EDA: variants seen among roughly 807,000 people sequenced by gnomAD.
EDA encodes the protein ectodysplasin-A.
Under a neutral mutation model 23.6 loss-of-function variants are expected in EDA, and 2 were observed. The observed-to-expected ratio is 0.08, with a 90% CI of 0.03 to 0.27. The LOEUF (loss-of-function observed/expected upper bound fraction) is 0.27. EDA is among the 10% of genes least tolerant of loss of function. The pLI is 1.00. For synonymous variants in EDA, 131 were observed against 132.0 expected (o/e 0.99, Z 0.05); for missense variants, 229 against 324.2 (o/e 0.71, Z 2.26).
chrX:69,646,291 C>T (rs1274031258), intron 1 of EDA, among the ~76,000 whole-genome samples: 1 of 111,001 alleles, frequency 9.0e-6, no homozygotes, highest in Non-Finnish European at 1.9e-5. Flanking sequence ...GTTAAAGTTT[C>T]CCACTATTAT....
intron 1 of EDA, among the ~76,000 whole-genome samples, chrX:69,833,110 C>T (rs1281294175): frequency 9.0e-6 from 1 of 111,696 alleles, no homozygotes; most frequent in Non-Finnish European, 1.9e-5. Flanking sequence ...GCATCCCTGT[C>T]TTGTGCCAGT....
intron 2 of EDA, among the ~76,000 whole-genome samples, chrX:70,004,137 G>A (rs1823138143): frequency 8.9e-6 from 1 of 112,176 alleles, no homozygotes; most frequent in African/African-American, 3.2e-5. Context: ...AATGTCAGTA[G>A]TTGGTAGGAC....
intron 1 of EDA, among the ~76,000 whole-genome samples, chrX:69,928,213 A>G (rs2018549801): frequency 9.0e-6 from 1 of 111,330 alleles, no homozygotes; most frequent in Admixed American, 9.6e-5. Context: ...TTCAGATGTC[A>G]TCTCCCTAGC....
intron 1 of EDA, among the ~76,000 whole-genome samples, chrX:69,908,195 AAAT>A (rs1223268098): frequency 3.6e-5 from 4 of 111,743 alleles, no homozygotes; most frequent in Admixed American, 1.9e-4. Flanking sequence ...GTCATTAAGA[AAAT>A]AATATTTATG....
chrX:69,753,894 A>G (rs1013603009), intron 1 of EDA, among the ~76,000 whole-genome samples: 2 of 34,789 alleles, frequency 5.7e-5, no homozygotes, highest in African/African-American at 2.5e-4. Flanking sequence ...CTAGGATTGC[A>G]ATCCCTGCTT....
At chrX:69,637,825 T>A (rs1180746763) in intron 1 of EDA, among the ~76,000 whole-genome samples, 1 of 111,152 alleles carries the variant, frequency 9.0e-6, no homozygotes, top group Non-Finnish European at 1.9e-5. Flanking sequence ...TGCTTAGTAG[T>A]AGTAGTGTTC....
At chrX:69,703,899 AGTT>A (rs371551028) in intron 1 of EDA, among the ~76,000 whole-genome samples, 4 of 112,228 alleles carry the variant, frequency 3.6e-5, no homozygotes, top group African/African-American at 6.5e-5. Flanking sequence ...GTATTTTATT[AGTT>A]GTTGTTAATC....
At chrX:69,755,682 C>G (rs1231836977) in intron 1 of EDA, among the ~76,000 whole-genome samples, 1 of 112,764 alleles carries the variant, frequency 8.9e-6, no homozygotes, top group African/African-American at 3.2e-5. Context: ...CAGAGGCTGA[C>G]AGGCCTCCTT....
At chrX:69,733,507 T>G (rs1045722782) in intron 1 of EDA, among the ~76,000 whole-genome samples, 1 of 112,252 alleles carries the variant, frequency 8.9e-6, no homozygotes, top group Non-Finnish European at 1.9e-5. Context: ...TACTGTGGCC[T>G]TGTAGTATAG....
At chrX:69,944,012 AG>A (rs2018800228) in intron 1 of EDA, among the ~76,000 whole-genome samples, 2 of 109,773 alleles carry the variant, frequency 1.8e-5, no homozygotes, top group Admixed American at 1.9e-4. Flanking sequence ...TCAAGGCCCA[AG>A]GGTCTTTAGT....
intron 1 of EDA, among the ~76,000 whole-genome samples, chrX:69,710,057 T>A (rs779332030): frequency 2.3e-3 from 252 of 111,754 alleles, no homozygotes; most frequent in African/African-American, 7.3e-3. Context: ...TGTTTTATAC[T>A]TGAAGTCCTT....
intron 1 of EDA, among the ~76,000 whole-genome samples, chrX:69,909,882 CTT>C (rs1376142658): frequency 9.0e-6 from 1 of 111,673 alleles, no homozygotes; most frequent in East Asian, 2.8e-4. Context: ...GGATTTATCT[CTT>C]GTCTATAAAC....
chrX:69,997,067 T>G (rs2019667729), intron 2 of EDA, among the ~76,000 whole-genome samples: 1 of 111,746 alleles, frequency 8.9e-6, no homozygotes, highest in South Asian at 3.8e-4. Flanking sequence ...GAATGGGGTG[T>G]TGCTGAAAAG....
chrX:69,682,650 G>A (rs112036480), intron 1 of EDA, among the ~76,000 whole-genome samples: 1,984 of 111,840 alleles, frequency 0.018, 47 homozygotes, highest in African/African-American at 0.061. Context: ...TGGGCTTCCC[G>A]AGTGAGGCAA....
chrX:69,726,483 G>A (rs1408944362), intron 1 of EDA, among the ~76,000 whole-genome samples: 2 of 112,249 alleles, frequency 1.8e-5, no homozygotes, highest in Admixed American at 9.4e-5. Flanking sequence ...CCTGCCAAAA[G>A]CAAAAGTAAA....
At chrX:69,672,597 T>A (rs994567718) in intron 1 of EDA, 1 of 112,178 alleles carries the variant, frequency 8.9e-6, no homozygotes, top group Non-Finnish European at 1.9e-5. Flanking sequence ...TGCTGTAGGC[T>A]TTGGCCGGGC....
chrX:69,741,478 A>G (rs2013459389), intron 1 of EDA, among the ~76,000 whole-genome samples: 1 of 111,866 alleles, frequency 8.9e-6, no homozygotes, highest in Admixed American at 9.5e-5. Context: ...TTATGTGCAC[A>G]ATCACCTTGG....
intron 1 of EDA, chrX:69,670,266 C>G: frequency 3.1e-6 from 1 of 324,581 alleles, no homozygotes; most frequent in Non-Finnish European, 5.4e-6. Context: ...GCTGAGAAAT[C>G]CACTGATATT....
intron 1 of EDA, among the ~76,000 whole-genome samples, chrX:69,811,212 C>T (rs1037269255): frequency 9.8e-5 from 11 of 112,165 alleles, no homozygotes; most frequent in African/African-American, 3.6e-4. Flanking sequence ...CTCATTAAGG[C>T]ATACAACCAA....
Sources: allele counts gnomAD v4.1 joint callset (sites outside exome capture counted in the v4.1 genomes callset), GRCh38; gene constraint gnomAD v4.1.1; transcripts MANE v1.5; gene names NCBI Gene and HGNC (gene_info 2026-07-23, HGNC 2026-07-21).